The following GRXCR1 variants were observed in gnomAD, a reference collection of about 807,000 sequenced individuals.
GRXCR1 encodes glutaredoxin domain-containing cysteine-rich protein 1.
Under a neutral mutation model 27.3 loss-of-function variants are expected in GRXCR1, and 27 were observed. That is an observed-to-expected ratio of 0.99 (90% CI 0.73 to 1.37). GRXCR1 has a LOEUF of 1.37. Ranked by LOEUF, GRXCR1 falls within the 40% of genes most tolerant of loss-of-function variation. The pLI, the probability that GRXCR1 is intolerant of heterozygous loss-of-function variation, is 0.00. For missense variants in GRXCR1, 379 were observed against 354.4 expected (o/e 1.07, Z -0.56); for synonymous variants, 122 against 131.1 (o/e 0.93, Z 0.47).
intron 2 of GRXCR1, among the ~76,000 whole-genome samples, chr4:42,978,816 C>T (rs1024908021): frequency 9.9e-5 from 15 of 151,062 alleles, no homozygotes; most frequent in Admixed American, 3.3e-4. Context: ...CCTCATAATC[C>T]CTATAATCCC....
At chr4:42,989,998 T>G in intron 2 of GRXCR1, among the ~76,000 whole-genome samples, 1 of 151,868 alleles carries the variant, frequency 6.6e-6, no homozygotes, top group East Asian at 1.9e-4. Context: ...TGAAGAAAGT[T>G]GCTTGAAAAA....
At chr4:42,946,641 T>C (rs1747750199) in intron 1 of GRXCR1, among the ~76,000 whole-genome samples, 1 of 152,208 alleles carries the variant, frequency 6.6e-6, no homozygotes, top group South Asian at 2.1e-4. Context: ...TCCTCATAGA[T>C]GGGAACTTTT....
chr4:43,030,492 G>A lies in GRXCR1; in HGVS notation c.825G>A (p.Thr275=), dbSNP rs370629848. The A allele has an allele frequency of 8.9e-5, 144 of 1,613,942 alleles. No individual in the cohort carries two copies. The highest frequency in any genetic ancestry group is 1.1e-4 in the African/African-American group (8 of 74,870). The change falls in exon 4 of 4, where the codon ACG becomes ACA. Residue 275 remains threonine (T), a synonymous_variant. Coordinates refer to ENST00000399770, the MANE Select transcript of GRXCR1 (RefSeq NM_001080476.3). ...ACTCTTTCAAAGCCCTGAAGTGTACGGCTTGCAATGAAAATGGTCTTCAGC... is the reference window on the plus strand; with the variant it reads ...ACTCTTTCAAAGCCCTGAAGTGTACAGCTTGCAATGAAAATGGTCTTCAGC... The part of the protein sequence containing the change: ...FTDSFKALKC[T]ACNENGLQRC...
chr4:42,912,607 A>G (rs1162344056), intron 1 of GRXCR1, among the ~76,000 whole-genome samples: 2 of 152,190 alleles, frequency 1.3e-5, no homozygotes, highest in Non-Finnish European at 2.9e-5. Flanking sequence ...GTTTAGTTTC[A>G]GCAGTGACAA....
At chr4:42,933,576 C>A (rs2109758480) in intron 1 of GRXCR1, among the ~76,000 whole-genome samples, 1 of 152,014 alleles carries the variant, frequency 6.6e-6, no homozygotes, top group Admixed American at 6.6e-5. Context: ...ATATTAAAAC[C>A]TAACCTCCAA....
intron 2 of GRXCR1, among the ~76,000 whole-genome samples, chr4:42,998,510 T>C (rs1481267287): frequency 1.3e-5 from 2 of 152,206 alleles, no homozygotes; most frequent in African/African-American, 4.8e-5. Context: ...AAGTGAAAGA[T>C]ACATTGTAAA....
chr4:42,983,696 G>A (rs963376331), intron 2 of GRXCR1, among the ~76,000 whole-genome samples: 3 of 152,074 alleles, frequency 2.0e-5, no homozygotes, highest in Non-Finnish European at 4.4e-5. Context: ...CTTCTTAAAG[G>A]AGAAGACTCA....
chr4:43,000,171 T>G (rs1712304311), intron 2 of GRXCR1, among the ~76,000 whole-genome samples: 1 of 152,208 alleles, frequency 6.6e-6, no homozygotes, highest in Non-Finnish European at 1.5e-5. Flanking sequence ...GCTTTCTGCC[T>G]GTTACTCACT....
In GRXCR1 at chr4:42,961,819, G is replaced by T. The variant is rs375792006; in HGVS notation, c.385-1073G>T. On this transcript the variant is annotated intron_variant, in intron 1 of 3. Transcript: ENST00000399770. ...TGGCAGAGTGGTCTGATTTCTCTGCGTACAAAGTGGTGGAGGTTAGTGTCC... is the reference window on the plus strand; with the variant it reads ...TGGCAGAGTGGTCTGATTTCTCTGCTTACAAAGTGGTGGAGGTTAGTGTCC... 3.9e-5 allele frequency among the ~76,000 whole-genome samples: 6 copies of T among 152,040 alleles called. No individual in the cohort carries two copies. The South Asian group carries it at 1.0e-3, about 26-fold the overall frequency.
At chr4:42,992,275 A>C (rs1373352231) in intron 2 of GRXCR1, among the ~76,000 whole-genome samples, 1 of 152,154 alleles carries the variant, frequency 6.6e-6, no homozygotes, top group Non-Finnish European at 1.5e-5. Context: ...TTTCTTCAGA[A>C]AGCTGGATAA....
intron 2 of GRXCR1, among the ~76,000 whole-genome samples, chr4:43,015,189 G>C (rs867024248): frequency 1.3e-5 from 2 of 152,134 alleles, no homozygotes; most frequent in Non-Finnish European, 2.9e-5. Context: ...TATATCAAAA[G>C]ACAGGGCTAA....
intron 2 of GRXCR1, among the ~76,000 whole-genome samples, chr4:42,972,442 G>A (rs1577926427): frequency 6.6e-6 from 1 of 152,032 alleles, no homozygotes; most frequent in East Asian, 1.9e-4. Flanking sequence ...GATAGTACAG[G>A]GATAGAGAAA....
intron 2 of GRXCR1, among the ~76,000 whole-genome samples, chr4:42,970,323 A>G (rs1006287448): frequency 6.6e-6 from 1 of 151,886 alleles, no homozygotes; most frequent in African/African-American, 2.4e-5. Context: ...GCTACAGTGG[A>G]GCTATGAGGG....
chr4:42,989,411 C>T (rs745351802), intron 2 of GRXCR1, among the ~76,000 whole-genome samples: 39 of 152,198 alleles, frequency 2.6e-4, no homozygotes, highest in African/African-American at 3.4e-4. Context: ...CCTTAAAAGC[C>T]CTATCTTCAA....
intron 1 of GRXCR1, among the ~76,000 whole-genome samples, chr4:42,906,753 G>A (rs899190347): frequency 2.0e-5 from 3 of 152,048 alleles, no homozygotes; most frequent in Admixed American, 2.0e-4. Context: ...AACTATCGCA[G>A]GTGCCTCTCT....
intron 1 of GRXCR1, among the ~76,000 whole-genome samples, chr4:42,921,221 G>C (rs1319111614): frequency 2.0e-5 from 3 of 152,034 alleles, no homozygotes. Context: ...TAGTGAGAAG[G>C]CATCATCTAC....
chr4:43,017,157 C>T (rs1173379126), intron 2 of GRXCR1, among the ~76,000 whole-genome samples: 3 of 152,204 alleles, frequency 2.0e-5, no homozygotes, highest in East Asian at 1.9e-4. Context: ...TTCATAGCTT[C>T]TCTGGCATGT....
At chr4:42,927,537 A>G (rs1747188410) in intron 1 of GRXCR1, among the ~76,000 whole-genome samples, 1 of 152,054 alleles carries the variant, frequency 6.6e-6, no homozygotes, top group Admixed American at 6.6e-5. Flanking sequence ...TTAAAGAAGT[A>G]AAAAGGTGTT....
chr4:42,976,538 C>T (rs1485994784), intron 2 of GRXCR1, among the ~76,000 whole-genome samples: 1 of 151,870 alleles, frequency 6.6e-6, no homozygotes, highest in Non-Finnish European at 1.5e-5. Flanking sequence ...TGATCACACC[C>T]ACGAAACCAG....
Sources: allele counts gnomAD v4.1 joint callset (sites outside exome capture counted in the v4.1 genomes callset), GRCh38; gene constraint gnomAD v4.1.1; transcripts MANE v1.5; gene names NCBI Gene and HGNC (gene_info 2026-07-23, HGNC 2026-07-21).